PLCXD3: variants seen among roughly 807,000 people sequenced by gnomAD.
The protein encoded by PLCXD3 is PI-PLC X domain-containing protein 3.
A neutral mutation model predicts 25.5 loss-of-function variants in PLCXD3; 19 were observed. The observed-to-expected ratio is 0.75, with a 90% CI of 0.52 to 1.09. The LOEUF is 1.09. Ranked by LOEUF, PLCXD3 falls within the 50% of genes least tolerant of loss-of-function variation. The pLI is 0.00. For missense variants in PLCXD3, 411 were observed against 388.1 expected (o/e 1.06, Z -0.50); for synonymous variants, 174 against 137.6 (o/e 1.26, Z -1.85).
chr5:41,440,986 AACAG>A (rs1747372338), intron 1 of PLCXD3, among the ~76,000 whole-genome samples: 2 of 152,228 alleles, frequency 1.3e-5, no homozygotes, highest in South Asian at 2.1e-4. Context: ...TGCAGACAAA[AACAG>A]ACAGAGTGGA....
At position 41,490,981 on chromosome 5, in the gene PLCXD3, T is replaced by C. The variant is rs1395201536; in HGVS notation, c.103+19443A>G. Among the ~76,000 whole-genome samples the C allele has an allele frequency of 4.6e-5, 7 of 152,302 alleles. No individual in the cohort carries two copies. The East Asian group carries it at 1.3e-3, about 29-fold the overall frequency. ...TTATTTCTTGCCTTCTGCTAGCTTT[T>C]GAATGTGTTTGCTCTTGCTTTTCTA... On this transcript the variant is annotated intron_variant, in intron 1 of 2. Coordinates refer to ENST00000377801, the MANE Select transcript of PLCXD3 (RefSeq NM_001005473.3).
intron 2 of PLCXD3, among the ~76,000 whole-genome samples, chr5:41,350,245 A>T (rs1274672231): frequency 1.3e-5 from 2 of 152,160 alleles, no homozygotes; most frequent in African/African-American, 4.8e-5. Context: ...TTGAAAACGA[A>T]TGAGGCATAT....
At chr5:41,477,069 C>T (rs1030206900) in intron 1 of PLCXD3, among the ~76,000 whole-genome samples, 1 of 151,994 alleles carries the variant, frequency 6.6e-6, no homozygotes, top group Non-Finnish European at 1.5e-5. Context: ...TTTTTCTAGC[C>T]CTGTGATCCT....
chr5:41,436,576 T>C (rs1445121555), intron 1 of PLCXD3, among the ~76,000 whole-genome samples: 1 of 152,172 alleles, frequency 6.6e-6, no homozygotes, highest in East Asian at 1.9e-4. Flanking sequence ...GCAGGCATTC[T>C]ACTAAGAAAT....
intron 1 of PLCXD3, among the ~76,000 whole-genome samples, chr5:41,501,202 GGGTA>G: frequency 6.6e-6 from 1 of 151,926 alleles, no homozygotes; most frequent in Non-Finnish European, 1.5e-5. Flanking sequence ...TCCCACTTTG[GGGTA>G]TTTATCCAAA....
chr5:41,390,077 A>G (rs1046048681), intron 1 of PLCXD3, among the ~76,000 whole-genome samples: 7 of 152,322 alleles, frequency 4.6e-5, no homozygotes, highest in South Asian at 2.1e-4. Context: ...TGACTTCTCT[A>G]TAATTCCATA....
At chr5:41,485,870 T>C (rs1449010608) in intron 1 of PLCXD3, among the ~76,000 whole-genome samples, 2 of 152,210 alleles carry the variant, frequency 1.3e-5, no homozygotes, top group South Asian at 4.1e-4. Context: ...TCTTACATAG[T>C]TCATTTTTTG....
At chr5:41,438,581 T>C (rs1475654923) in intron 1 of PLCXD3, among the ~76,000 whole-genome samples, 2 of 152,170 alleles carry the variant, frequency 1.3e-5, no homozygotes, top group Admixed American at 6.5e-5. Context: ...AGCAAGACTC[T>C]CTCTCCCTTT....
chr5:41,477,909 A>G (rs1241522250), intron 1 of PLCXD3, among the ~76,000 whole-genome samples: 1 of 152,202 alleles, frequency 6.6e-6, no homozygotes, highest in African/African-American at 2.4e-5. Context: ...CAATAAAAAT[A>G]GCTGGGAAAA....
intron 2 of PLCXD3, among the ~76,000 whole-genome samples, chr5:41,336,376 C>A (rs888615009): frequency 6.6e-6 from 1 of 152,172 alleles, no homozygotes; most frequent in Middle Eastern, 3.4e-3. Context: ...TCGTAAAATA[C>A]CCAAGAGATA....
intron 1 of PLCXD3, among the ~76,000 whole-genome samples, chr5:41,399,960 C>T (rs74988643): frequency 0.11 from 16,484 of 151,948 alleles, 1,079 homozygotes; most frequent in Admixed American, 0.17. Context: ...GATTGATAAC[C>T]AGAATATATA....
intron 1 of PLCXD3, among the ~76,000 whole-genome samples, chr5:41,430,950 C>A (rs961032909): frequency 3.3e-5 from 5 of 152,168 alleles, no homozygotes; most frequent in African/African-American, 9.7e-5. Context: ...GAAAAGTATT[C>A]TTTCCCAGCT....
intron 1 of PLCXD3, among the ~76,000 whole-genome samples, chr5:41,490,281 A>G (rs1444980364): frequency 2.0e-5 from 3 of 152,208 alleles, no homozygotes; most frequent in African/African-American, 4.8e-5. Context: ...CCCAGGGATG[A>G]AGCCCACTTG....
chr5:41,379,990 C>T (rs1015864673), intron 2 of PLCXD3, among the ~76,000 whole-genome samples: 2 of 152,006 alleles, frequency 1.3e-5, no homozygotes, highest in African/African-American at 2.4e-5. Flanking sequence ...GGCTAATGGA[C>T]CATTCTGAGT....
At chr5:41,332,400 T>G (rs1026936510) in intron 2 of PLCXD3, among the ~76,000 whole-genome samples, 3 of 151,978 alleles carry the variant, frequency 2.0e-5, no homozygotes, top group Non-Finnish European at 2.9e-5. Context: ...TGAGATACCA[T>G]CTCACACCAG....
chr5:41,480,898 A>C (rs1233459743), intron 1 of PLCXD3, among the ~76,000 whole-genome samples: 3 of 152,128 alleles, frequency 2.0e-5, no homozygotes, highest in Non-Finnish European at 4.4e-5. Flanking sequence ...TGACAGAGCA[A>C]GACTCCATCT....
chr5:41,471,809 TCCCCTCCCGTCCCC>T (rs1748166428), intron 1 of PLCXD3, among the ~76,000 whole-genome samples: 1 of 5,930 alleles, frequency 1.7e-4, no homozygotes, highest in African/African-American at 5.7e-4. Flanking sequence ...TCCCTTCCCC[TCCCCTCCCGTCCCC>T]TCCCCTCCCC....
intron 1 of PLCXD3, among the ~76,000 whole-genome samples, chr5:41,471,938 C>G (rs1171607489): frequency 2.9e-5 from 1 of 34,010 alleles, no homozygotes; most frequent in African/African-American, 1.2e-4. Flanking sequence ...CTCCCTTCCC[C>G]TCCCCTCCCT....
At chr5:41,414,935 T>G (rs1260132959) in intron 1 of PLCXD3, among the ~76,000 whole-genome samples, 2 of 152,248 alleles carry the variant, frequency 1.3e-5, no homozygotes, top group Non-Finnish European at 2.9e-5. Context: ...TGAAAGCTCA[T>G]GAATAATGAT....
Sources: allele counts gnomAD v4.1 joint callset (sites outside exome capture counted in the v4.1 genomes callset), GRCh38; gene constraint gnomAD v4.1.1; transcripts MANE v1.5; gene names NCBI Gene and HGNC (gene_info 2026-07-23, HGNC 2026-07-21).